Variants in DMD observed in about 807,000 individuals in gnomAD.
The protein encoded by DMD is mutant dystrophin.
In DMD, 63 loss-of-function variants were observed where a neutral mutation model predicts 330.1. That is an observed-to-expected ratio of 0.19 (90% confidence interval 0.16 to 0.24). DMD has a LOEUF of 0.24. DMD is among the 10% of genes least tolerant of loss of function. DMD has a pLI of 1.00. For missense variants in DMD, 3,344 were observed against 2,684.1 expected, an observed-to-expected ratio of 1.25 and a Z score of -5.43; for synonymous variants, 1,223 against 959.8, an observed-to-expected ratio of 1.27 and a Z score of -5.07.
intron 9 of DMD, among the ~76,000 whole-genome samples, chrX:32,676,599 T>C (rs2061986986): frequency 9.0e-6 from 1 of 111,426 alleles, no homozygotes; most frequent in African/African-American, 3.3e-5. Context: ...TTGTGGACGC[T>C]ATTATGCACA....
intron 44 of DMD, among the ~76,000 whole-genome samples, chrX:32,195,522 T>C (rs1385768248): frequency 8.9e-6 from 1 of 112,581 alleles, no homozygotes; most frequent in Non-Finnish European, 1.9e-5. Context: ...CTGTGAATGC[T>C]TCTATTTGTG....
intron 1 of DMD, among the ~76,000 whole-genome samples, chrX:33,061,574 G>C (rs1456508303): frequency 1.8e-5 from 2 of 111,449 alleles, no homozygotes; most frequent in Admixed American, 1.9e-4. Context: ...TTTTGCAGTG[G>C]TTAGGAGGAA....
intron 71 of DMD, among the ~76,000 whole-genome samples, chrX:31,176,987 G>C (rs2040574742): frequency 9.0e-6 from 1 of 111,055 alleles, no homozygotes; most frequent in Admixed American, 9.6e-5. Context: ...TTAATAAAAA[G>C]AAATTGAATT....
At chrX:32,084,153 T>G (rs2096414063) in intron 44 of DMD, among the ~76,000 whole-genome samples, 1 of 111,885 alleles carries the variant, frequency 8.9e-6, no homozygotes, top group African/African-American at 3.3e-5. Flanking sequence ...CACACTCACC[T>G]TAGGTAAGTA....
intron 62 of DMD, among the ~76,000 whole-genome samples, chrX:31,310,206 C>CAT (rs3032561): frequency 0.05 from 1,818 of 36,022 alleles, 15 homozygotes; most frequent in African/African-American, 0.13. Context: ...TCTCTCTCTC[C>CAT]ATATATATAT....
intron 1 of DMD, among the ~76,000 whole-genome samples, chrX:33,141,712 T>C (rs781527231): frequency 3.6e-5 from 4 of 111,405 alleles, no homozygotes; most frequent in Non-Finnish European, 7.5e-5. Context: ...TTCATTTTCT[T>C]TGCAGTCATC....
At chrX:32,188,519 A>C (rs1245682903) in intron 44 of DMD, among the ~76,000 whole-genome samples, 1 of 105,097 alleles carries the variant, frequency 9.5e-6, no homozygotes, top group Non-Finnish European at 2.0e-5. Flanking sequence ...GACACTATTT[A>C]TTAAGTGAAA....
At chrX:31,921,481 A>ATAAT (rs2094689340) in intron 47 of DMD, among the ~76,000 whole-genome samples, 1 of 112,042 alleles carries the variant, frequency 8.9e-6, no homozygotes, top group African/African-American at 3.2e-5. Flanking sequence ...TGTTGCATTC[A>ATAAT]TAATAGTAGC....
intron 1 of DMD, among the ~76,000 whole-genome samples, chrX:33,172,060 G>C (rs1281630990): frequency 9.0e-6 from 1 of 110,811 alleles, no homozygotes; most frequent in Non-Finnish European, 1.9e-5. Flanking sequence ...GAAATGCATG[G>C]GAAAGAAGAG....
At chrX:32,360,426 T>A (rs2097827535) in intron 37 of DMD, among the ~76,000 whole-genome samples, 1 of 111,853 alleles carries the variant, frequency 8.9e-6, no homozygotes, top group Non-Finnish European at 1.9e-5. Flanking sequence ...CAGTTGCCTT[T>A]ACTAATTTAG....
chrX:31,208,653 A>G (rs1024751038), intron 65 of DMD, among the ~76,000 whole-genome samples: 1 of 112,173 alleles, frequency 8.9e-6, no homozygotes, highest in Non-Finnish European at 1.9e-5. Context: ...AAAAGGTAGT[A>G]GAAGTCTACA....
chrX:31,659,652 A>G (rs772308418), intron 53 of DMD, among the ~76,000 whole-genome samples: 10,810 of 101,459 alleles, frequency 0.11, 676 homozygotes, highest in Admixed American at 0.19. Flanking sequence ...AAAAAAAAAA[A>G]AAAAAAAAAA....
At chrX:32,906,128 G>A (rs771849763) in intron 2 of DMD, among the ~76,000 whole-genome samples, 2 of 112,004 alleles carry the variant, frequency 1.8e-5, no homozygotes, top group East Asian at 5.6e-4. Context: ...TAATGTTAGA[G>A]GTGGGGCCTG....
At chrX:32,570,745 C>T (rs2052325648) in intron 15 of DMD, among the ~76,000 whole-genome samples, 1 of 111,167 alleles carries the variant, frequency 9.0e-6, no homozygotes, top group South Asian at 3.8e-4. Flanking sequence ...GTAGATGGTC[C>T]TAATGAACTT....
At chrX:32,666,060 T>G (rs962004334) in intron 9 of DMD, among the ~76,000 whole-genome samples, 3 of 110,831 alleles carry the variant, frequency 2.7e-5, no homozygotes, top group Non-Finnish European at 5.7e-5. Context: ...TACTGAGGAC[T>G]TCAACAAAAC....
chrX:33,296,541 T>C (rs992339746), intron 1 of DMD, among the ~76,000 whole-genome samples: 1 of 110,697 alleles, frequency 9.0e-6, no homozygotes, highest in South Asian at 3.8e-4. Context: ...GTAGGAAGTA[T>C]AATGGTACCA....
chrX:32,443,721 G>A (rs2098291979), intron 27 of DMD, among the ~76,000 whole-genome samples: 1 of 111,012 alleles, frequency 9.0e-6, no homozygotes, highest in Non-Finnish European at 1.9e-5. Context: ...ATATAGTCTT[G>A]AAGCCCGAAT....
chrX:32,342,921 C>A, intron 40 of DMD: 1 of 468,375 alleles, frequency 2.1e-6, no homozygotes, highest in South Asian at 2.7e-5. Flanking sequence ...AATCACTTTA[C>A]ATAGTCTAAA....
rs765495120 is a variant in DMD, at chrX:32,542,545, G to A, written c.2168+2614C>T. 2.7e-5 allele frequency among the ~76,000 whole-genome samples: 3 copies of A among 112,376 alleles called. No homozygotes were observed. In the Admixed American group the frequency reaches 2.8e-4, roughly 11 times the overall value. ...AGAGTCGTGGGTGACAACTGGTAGT[G>A]TGTCACAGAAGCTGGAAGAGGACAT... On this transcript the variant is annotated intron_variant, in intron 17 of 78. Transcript: ENST00000357033.
Sources: gnomAD v4.1 joint callset for allele counts (sites outside exome capture counted in the v4.1 genomes callset) on GRCh38, gnomAD v4.1.1 for gene constraint, MANE v1.5 for transcripts, NCBI Gene and HGNC (gene_info 2026-07-23, HGNC 2026-07-21) for gene names.